Variants in GABRG3 observed in about 807,000 individuals in gnomAD.
GABRG3 encodes gamma-aminobutyric acid type A receptor subunit gamma3.
A neutral mutation model predicts 48.8 loss-of-function variants in GABRG3; 25 were observed. The observed-to-expected ratio is 0.51, with a 90% CI of 0.37 to 0.72. The LOEUF is 0.72. Ranked by LOEUF, GABRG3 falls within the 30% of genes least tolerant of loss-of-function variation. GABRG3 has a pLI of 0.00. For missense variants in GABRG3, 394 were observed against 577.9 expected (o/e 0.68, Z 3.26); for synonymous variants, 227 against 217.6 (o/e 1.04, Z -0.38).
chr15:27,355,194 T>A (rs1312651603), intron 5 of GABRG3, among the ~76,000 whole-genome samples: 1 of 152,216 alleles, frequency 6.6e-6, no homozygotes, highest in Non-Finnish European at 1.5e-5. Flanking sequence ...TGATCTTTAG[T>A]CTGTAACCTC....
rs74330247 is a variant in GABRG3, at chr15:26,998,143, T to C, written c.202+20993T>C. ...TGACTGTGATTCCAGGAGAGCTTTTTGTGATTGCTTCTTTCTCTGGTTCTG... is the reference window on the plus strand; with the variant it reads ...TGACTGTGATTCCAGGAGAGCTTTTCGTGATTGCTTCTTTCTCTGGTTCTG... On this transcript the variant is annotated intron_variant, in intron 2 of 9. Coordinates refer to ENST00000615808, the MANE Select transcript of GABRG3 (RefSeq NM_033223.5). Among the ~76,000 whole-genome samples, 64 of 152,336 alleles carry C rather than the reference T, an allele frequency of 4.2e-4. No individual in the cohort carries two copies. In the East Asian group the frequency reaches 0.012, roughly 29 times the overall value.
At chr15:27,056,119 G>A (rs763698838) in intron 3 of GABRG3, among the ~76,000 whole-genome samples, 11 of 152,142 alleles carry the variant, frequency 7.2e-5, no homozygotes, top group Middle Eastern at 3.4e-3. Flanking sequence ...GGAGGCTGAG[G>A]TGGTGGGTTA....
intron 3 of GABRG3, among the ~76,000 whole-genome samples, chr15:27,181,212 G>A (rs1887920010): frequency 6.6e-6 from 1 of 152,152 alleles, no homozygotes. Flanking sequence ...ACAGGCAGTA[G>A]GGTAATTGTC....
intron 5 of GABRG3, among the ~76,000 whole-genome samples, chr15:27,351,283 GTTGTGTGTATGGTGTGT>G (rs1283741176): frequency 1.4e-5 from 2 of 139,888 alleles, no homozygotes; most frequent in African/African-American, 2.7e-5. Flanking sequence ...GTGTGTATAT[GTTGTGTGTATGGTGTGT>G]TTGTGTGTAT....
chr15:27,478,873 T>C (rs1172505682), intron 5 of GABRG3, among the ~76,000 whole-genome samples: 1 of 152,208 alleles, frequency 6.6e-6, no homozygotes, highest in African/African-American at 2.4e-5. Context: ...CACATTATGC[T>C]AAGTGAAATA....
rs567693540 is a variant in GABRG3 at position 27,519,499 on chromosome 15, C to T, written c.713-473C>T. The stretch of plus-strand genomic sequence containing the variant: ...CAAAGTGCGAAGTTGATAAGCAAAA[C>T]TTAAAGATATAAATAAATAAAAATA... On this transcript the variant is annotated intron_variant, in intron 6 of 9. Coordinates refer to ENST00000615808, the MANE Select transcript of GABRG3 (RefSeq NM_033223.5). Among the ~76,000 whole-genome samples, 8 of 152,166 alleles carry T rather than the reference C, an allele frequency of 5.3e-5. No homozygotes were observed. The South Asian group carries it at 1.5e-3, about 28-fold the overall frequency.
chr15:27,466,117 G>T (rs1372430249), intron 5 of GABRG3, among the ~76,000 whole-genome samples: 1 of 152,198 alleles, frequency 6.6e-6, no homozygotes, highest in African/African-American at 2.4e-5. Context: ...CTGAATGCCA[G>T]ACCGCACTGA....
intron 3 of GABRG3, among the ~76,000 whole-genome samples, chr15:27,160,262 T>A (rs774213254): frequency 7.9e-5 from 12 of 152,048 alleles, no homozygotes; most frequent in Non-Finnish European, 1.2e-4. Flanking sequence ...TGTGGGTGAG[T>A]TCTGGGCCAT....
At chr15:27,407,101 A>G (rs2140594688) in intron 5 of GABRG3, among the ~76,000 whole-genome samples, 1 of 152,106 alleles carries the variant, frequency 6.6e-6, no homozygotes, top group East Asian at 1.9e-4. Flanking sequence ...CTAATTTTGT[A>G]GTTTTAGTAG....
At chr15:27,371,461 G>T (rs1249358184) in intron 5 of GABRG3, among the ~76,000 whole-genome samples, 1 of 152,156 alleles carries the variant, frequency 6.6e-6, no homozygotes, top group Non-Finnish European at 1.5e-5. Context: ...TTTGATAGAA[G>T]GAAAATCTAA....
chr15:27,117,287 C>T (rs1267669079), intron 3 of GABRG3, among the ~76,000 whole-genome samples: 1 of 152,160 alleles, frequency 6.6e-6, no homozygotes, highest in Non-Finnish European at 1.5e-5. Context: ...GTCTTTCCCA[C>T]CCCCTACTCT....
At chr15:27,529,265 A>G (rs1891357232) in intron 9 of GABRG3, among the ~76,000 whole-genome samples, 1 of 152,244 alleles carries the variant, frequency 6.6e-6, no homozygotes, top group African/African-American at 2.4e-5. Flanking sequence ...AACTATTAAC[A>G]AGTCCGAATT....
chr15:27,146,898 A>G (rs959561912), intron 3 of GABRG3, among the ~76,000 whole-genome samples: 4 of 152,164 alleles, frequency 2.6e-5, no homozygotes, highest in African/African-American at 9.6e-5. Context: ...GACATAATAT[A>G]TAATAAATAG....
At chr15:27,097,980 A>C (rs548089717) in intron 3 of GABRG3, among the ~76,000 whole-genome samples, 1 of 151,684 alleles carries the variant, frequency 6.6e-6, no homozygotes, top group Non-Finnish European at 1.5e-5. Context: ...GAAGAGAAGG[A>C]ATTAAAAGAA....
At chr15:27,308,058 A>T (rs1892744740) in intron 3 of GABRG3, among the ~76,000 whole-genome samples, 1 of 134,310 alleles carries the variant, frequency 7.4e-6, no homozygotes, top group Non-Finnish European at 1.6e-5. Flanking sequence ...TAATATAAAC[A>T]TATATAAACA....
intron 3 of GABRG3, among the ~76,000 whole-genome samples, chr15:27,303,798 T>TTG (rs535260016): frequency 5.3e-4 from 80 of 149,908 alleles, no homozygotes; most frequent in Middle Eastern, 3.4e-3. Flanking sequence ...ATATATCTAT[T>TTG]TGTGTGTGTG....
chr15:27,421,411 A>G (rs563341525), intron 5 of GABRG3, among the ~76,000 whole-genome samples: 2 of 152,394 alleles, frequency 1.3e-5, no homozygotes, highest in Admixed American at 6.5e-5. Context: ...AGTGTGTCAC[A>G]TATCCACTGA....
intron 5 of GABRG3, among the ~76,000 whole-genome samples, chr15:27,355,603 C>A (rs575604400): frequency 3.3e-4 from 51 of 152,280 alleles, no homozygotes; most frequent in African/African-American, 1.2e-3. Context: ...TGTAACCTAG[C>A]AATTCAAATG....
At chr15:27,283,571 A>C (rs1456990484) in intron 3 of GABRG3, among the ~76,000 whole-genome samples, 1 of 152,128 alleles carries the variant, frequency 6.6e-6, no homozygotes, top group African/African-American at 2.4e-5. Flanking sequence ...ACACAGTTGC[A>C]CTCTAGCCCA....
Sources: gnomAD v4.1 joint callset for allele counts (sites outside exome capture counted in the v4.1 genomes callset) on GRCh38, gnomAD v4.1.1 for gene constraint, MANE v1.5 for transcripts, NCBI Gene and HGNC (gene_info 2026-07-23, HGNC 2026-07-21) for gene names.